The following MYO3A variants were observed in gnomAD, a reference collection of about 807,000 sequenced individuals.
MYO3A encodes the protein myosin IIIA, also known as myosin-IIIa.
In MYO3A, 180 loss-of-function variants were observed where a neutral mutation model predicts 192.7. The ratio of observed to expected loss-of-function variants is 0.93; its 90% CI spans 0.83 to 1.06. The LOEUF (loss-of-function observed/expected upper bound fraction) is 1.06, where lower values mean the gene tolerates loss of function less well. MYO3A is among the 50% of genes least tolerant of loss of function. The pLI is 0.00. For missense variants in MYO3A, 1,896 were observed against 1,905.0 expected (o/e 1.00, Z 0.09); for synonymous variants, 628 against 645.3 (o/e 0.97, Z 0.41).
chr10:26,122,991 C>T (rs1022751098), intron 18 of MYO3A, among the ~76,000 whole-genome samples: 1 of 152,126 alleles, frequency 6.6e-6, no homozygotes, highest in Non-Finnish European at 1.5e-5. Context: ...TCACAGATCA[C>T]TAGGGAATCG....
In MYO3A at chr10:26,212,268, CTT is replaced by C; in HGVS notation, c.*313_*314del. The C allele has an allele frequency of 2.3e-6, 1 of 439,880 alleles. No individual in the cohort carries two copies. The highest frequency in any genetic ancestry group is 4.0e-6 in the Non-Finnish European group (1 of 249,232). The allele number at this position is 439,880 out of a possible 1,614,324, so 27.2% of individuals were successfully genotyped here. A position where few individuals can be genotyped will look rare whatever the true frequency, so the allele number is the denominator to read the frequency against. ...TGTTCCCCTAATCTATCACTTTGTT[CTT>C]TTTTTTTGTGACTCCTGTGGACTCC... On this transcript the variant is annotated 3_prime_UTR_variant, in exon 35 of 35. Coordinates refer to ENST00000642920, the MANE Select transcript of MYO3A (RefSeq NM_017433.5).
chr10:26,202,740 G>T, intron 33 of MYO3A: 2 of 473,774 alleles, frequency 4.2e-6, no homozygotes, highest in South Asian at 4.4e-5. Context: ...AGGAAAATGT[G>T]TTCCCACAGC....
chr10:26,201,323 AT>A lies in MYO3A; in HGVS notation c.4586+21del, dbSNP rs756220310. On this transcript the variant is annotated intron_variant, in intron 33 of 34. Transcript: ENST00000642920. ...AAAGACAGGTAATTATTACTTCTGG[AT>A]TTCAATCAGTCATCTTATTCAAACA... 1 of 1,543,600 alleles carries A rather than the reference AT, an allele frequency of 6.5e-7. No homozygotes were observed. The highest frequency in any genetic ancestry group is 8.9e-7 in the Non-Finnish European group (1 of 1,123,860).
intron 4 of MYO3A, among the ~76,000 whole-genome samples, chr10:25,989,437 T>G (rs937314015): frequency 3.2e-4 from 49 of 152,268 alleles, no homozygotes; most frequent in African/African-American, 1.1e-3. Context: ...TTACCCTTCC[T>G]GATACAGAAG....
At chr10:25,988,845 A>G (rs932810314) in intron 4 of MYO3A, among the ~76,000 whole-genome samples, 7 of 152,108 alleles carry the variant, frequency 4.6e-5, no homozygotes, top group Admixed American at 3.9e-4. Context: ...AATTGCAGAA[A>G]GTACAGCCAA....
In MYO3A at chr10:26,016,696, T is replaced by C. The variant is rs1469246398; in HGVS notation, c.509-124T>C. Reference sequence around the variant, plus strand: ...GATTTAGGATCCTTTAATGTGACACTAGGTCCACTGGCAGGTTTGAGGAAA... The same window carrying C: ...GATTTAGGATCCTTTAATGTGACACCAGGTCCACTGGCAGGTTTGAGGAAA... On this transcript the variant is annotated intron_variant, in intron 6 of 34. Coordinates refer to ENST00000642920, the MANE Select transcript of MYO3A (RefSeq NM_017433.5). 3.4e-6 allele frequency: 3 copies of C among 870,840 alleles called. No individual in the cohort carries two copies. In the Admixed American group the frequency reaches 5.9e-5, roughly 17 times the overall value. The allele number at this position is 870,840 out of a possible 1,614,324, so 53.9% of individuals were successfully genotyped here.
chr10:26,066,725 A>G (rs1834870513), intron 10 of MYO3A, among the ~76,000 whole-genome samples: 2 of 152,258 alleles, frequency 1.3e-5, no homozygotes, highest in Admixed American at 6.5e-5. Context: ...AACAAATTAT[A>G]TAAAGATAGT....
intron 2 of MYO3A, among the ~76,000 whole-genome samples, chr10:25,951,236 A>G (rs1276038459): frequency 2.6e-5 from 4 of 152,156 alleles, no homozygotes; most frequent in African/African-American, 7.2e-5. Context: ...ATATCAATAA[A>G]TGGTCTCATT....
intron 27 of MYO3A, 138 bp from the exon 28 acceptor site, chr10:26,168,574 A>G: frequency 1.2e-6 from 1 of 832,160 alleles, no homozygotes; most frequent in Non-Finnish European, 2.0e-6. Context: ...TCATAGTGAC[A>G]TCTAGGGCAA....
At chr10:26,007,658 A>G (rs1183150841) in intron 6 of MYO3A, among the ~76,000 whole-genome samples, 1 of 151,832 alleles carries the variant, frequency 6.6e-6, no homozygotes, top group African/African-American at 2.4e-5. Flanking sequence ...TAAAATACCT[A>G]GGAATCCAAC....
intron 2 of MYO3A, among the ~76,000 whole-genome samples, chr10:25,951,615 G>A (rs898846732): frequency 6.6e-6 from 1 of 152,110 alleles, no homozygotes; most frequent in African/African-American, 2.4e-5. Context: ...GTTATGTTAA[G>A]GAAATTCCAT....
chr10:26,125,492 T>C lies in MYO3A; in HGVS notation c.1998T>C (p.Asn666=). Residue 666 remains asparagine (N), a synonymous_variant, in exon 19 of 35, where the codon AAT becomes AAC. Coordinates refer to ENST00000642920, the MANE Select transcript of MYO3A (RefSeq NM_017433.5). ...GAGGAGAAACAATTATACGACCCAA[T>C]ACTGTAGAAAAAGCTACCGATGTCA... The part of the protein sequence containing the change: ...VTRGETIIRP[N]TVEKATDVRD... 1 of 1,614,072 alleles carries C rather than the reference T, an allele frequency of 6.2e-7. No homozygotes were observed. Among genetic ancestry groups the C allele is most frequent in the Non-Finnish European group, 8.5e-7 (1 of 1,179,940 alleles).
chr10:26,026,413 G>A lies in MYO3A; in HGVS notation c.834G>A (p.Val278=), dbSNP rs1393001059. ...AAGATTATGAAAAGCGTCCAACAGT[G>A]TCAGAACTTTTACAGCATAAATTCA... is the stretch of plus-strand genomic sequence containing the variant. ...LTKDYEKRPT[V]SELLQHKFIT... is the part of the protein sequence containing the mutation. The change falls in exon 10 of 35, where the codon GTG becomes GTA. Residue 278 remains valine, a synonymous_variant. Transcript: ENST00000642920. The A allele has an allele frequency of 1.2e-6, 2 of 1,614,120 alleles. No individual in the cohort carries two copies. The highest frequency in any genetic ancestry group is 1.1e-5 in the South Asian group (1 of 91,088).
rs760329481 is a variant in MYO3A, at chr10:26,016,915, G to A, written c.585+19G>A. The A allele has an allele frequency of 4.4e-6, 7 of 1,607,774 alleles. No individual in the cohort carries two copies. In the East Asian group the frequency reaches 1.3e-4, roughly 31 times the overall value. On this transcript the variant is annotated intron_variant, in intron 7 of 34. Coordinates refer to ENST00000642920, the MANE Select transcript of MYO3A (RefSeq NM_017433.5). Reference sequence around the variant, plus strand: ...TCCTGAGGTCAGATAGAGTTTTGAGGCAGACAAACGTAATAGCTGATCCTG... The same window carrying A: ...TCCTGAGGTCAGATAGAGTTTTGAGACAGACAAACGTAATAGCTGATCCTG...
chr10:26,144,776 C>G (rs1840355701), intron 21 of MYO3A, among the ~76,000 whole-genome samples: 1 of 152,172 alleles, frequency 6.6e-6, no homozygotes, highest in Non-Finnish European at 1.5e-5. Context: ...GGTCCCCTGC[C>G]CAGGAACATC....
At position 26,049,334 on chromosome 10, in the gene MYO3A, A is replaced by G. The variant is rs148077672; in HGVS notation, c.954-17641A>G. 7.7e-4 allele frequency among the ~76,000 whole-genome samples: 118 copies of G among 152,322 alleles called. 1 individual carries two copies. The highest frequency in any genetic ancestry group is 3.4e-3 in the Middle Eastern group (1 of 294). ...GTCCTAGCCAGGAGAGGTGGAGGTGAGAGACAAGGTGAGGAAGGAGAAATA... is the reference window on the plus strand; with the variant it reads ...GTCCTAGCCAGGAGAGGTGGAGGTGGGAGACAAGGTGAGGAAGGAGAAATA... On this transcript the variant is annotated intron_variant, in intron 10 of 34. Coordinates refer to ENST00000642920, the MANE Select transcript of MYO3A (RefSeq NM_017433.5).
rs758509218 is a variant in MYO3A at position 26,170,400 on chromosome 10, G to A, written c.3275-16G>A. 30 of 1,612,332 alleles carry A rather than the reference G, an allele frequency of 1.9e-5. No individual in the cohort carries two copies. The highest frequency in any genetic ancestry group is 2.4e-5 in the Non-Finnish European group (28 of 1,179,036). On this transcript the variant is annotated splice_polypyrimidine_tract_variant and intron_variant, in intron 28 of 34. Transcript: ENST00000642920. ...TTGTTTATAATTAACACTACTATGG[G>A]CTTTCTGTGTTTCAGCTGCAAGAGG... is the stretch of plus-strand genomic sequence containing the variant.
At chr10:26,039,462 G>A (rs1271051914) in intron 10 of MYO3A, among the ~76,000 whole-genome samples, 1 of 151,960 alleles carries the variant, frequency 6.6e-6, no homozygotes, top group East Asian at 1.9e-4. Context: ...AGGAGGATTG[G>A]CATTAGTTCT....
chr10:25,934,943 G>A (rs1055943755), intron 1 of MYO3A, among the ~76,000 whole-genome samples: 1 of 152,058 alleles, frequency 6.6e-6, no homozygotes, highest in African/African-American at 2.4e-5. Flanking sequence ...GTAACGAGGG[G>A]CGAGAACTGA....
Sources: gnomAD v4.1 joint callset for allele counts (sites outside exome capture counted in the v4.1 genomes callset) on GRCh38, gnomAD v4.1.1 for gene constraint, MANE v1.5 for transcripts, NCBI Gene and HGNC (gene_info 2026-07-23, HGNC 2026-07-21) for gene names.